KIRREL3: variants seen among roughly 807,000 people sequenced by gnomAD.
KIRREL3 encodes the protein kin of IRRE-like protein 3.
KIRREL3 carries 36 observed loss-of-function variants against 89.7 expected under a neutral mutation model. The ratio of observed to expected loss-of-function variants is 0.40; its 90% confidence interval spans 0.31 to 0.53. The LOEUF is 0.53. Among genes scored for constraint, KIRREL3 ranks in the 20% least tolerant of loss-of-function variants. The pLI is 0.49. For synonymous variants in KIRREL3, 445 were observed against 441.4 expected (o/e 1.01, Z -0.10); for missense variants, 864 against 1,056.6 (o/e 0.82, Z 2.53).
rs773149437 is a variant in KIRREL3, at chr11:126,909,120, C to T, written c.55+91335G>A. 6.7e-6 allele frequency among the ~76,000 whole-genome samples: 1 copy of T among 148,728 alleles called. No individual in the cohort carries two copies. The highest frequency in any genetic ancestry group is 1.5e-5 in the Non-Finnish European group (1 of 66,972). The stretch of plus-strand genomic sequence containing the variant: ...GCAGAACCCAGGCGACACAGGGGGC[C>T]AACTGTAATTGCAATCTGAATGACC... On this transcript the variant is annotated intron_variant, in intron 1 of 16. Transcript: ENST00000525144. The surrounding 1 kb of genome is among the most constrained non-coding windows in gnomAD (Gnocchi z 4.5).
chr11:126,460,342 G>C (rs1490051223), intron 6 of KIRREL3, among the ~76,000 whole-genome samples: 2 of 152,206 alleles, frequency 1.3e-5, no homozygotes, highest in Non-Finnish European at 2.9e-5. Flanking sequence ...ACTGCGCTAG[G>C]GGGCTTGACA....
Position 126,723,059 on chromosome 11 carries a change from T to G in KIRREL3, c.56-160147A>C, listed in dbSNP as rs189398734. The stretch of plus-strand genomic sequence containing the variant: ...TCTTACAGTCTTCTGTGGCTGCACA[T>G]AGTGTACGGTAGGTATTGCGGTATT... On this transcript the variant is annotated intron_variant, in intron 1 of 16. Transcript: ENST00000525144. The surrounding 1 kb of genome is among the most constrained non-coding windows in gnomAD (Gnocchi z 4.0). Among the ~76,000 whole-genome samples, 1 of 152,330 alleles carries G rather than the reference T, an allele frequency of 6.6e-6. No homozygotes were observed. The highest frequency in any genetic ancestry group is 1.9e-4 in the East Asian group (1 of 5,194).
At chr11:126,450,547 ATGTGCATG>A (rs1225163910) in intron 7 of KIRREL3, among the ~76,000 whole-genome samples, 3 of 120,536 alleles carry the variant, frequency 2.5e-5, no homozygotes, top group South Asian at 2.8e-4. Context: ...ATGTGTGTCA[ATGTGCATG>A]TGTGCATGTG....
chr11:126,637,871 GAGA>G (rs763765350), intron 1 of KIRREL3, among the ~76,000 whole-genome samples: 4 of 152,222 alleles, frequency 2.6e-5, no homozygotes, highest in African/African-American at 4.8e-5. Context: ...CATGATAGCT[GAGA>G]AGACTAGCAA....
rs1037979714 is a variant in KIRREL3 at position 126,496,519 on chromosome 11, G to A, written c.434-23053C>T. Reference sequence around the variant, plus strand: ...ATTTCTTCTCACTCCCTTCACAAATGAGAACCCAAGGTGTTGGCCAAGTTT... The same window carrying A: ...ATTTCTTCTCACTCCCTTCACAAATAAGAACCCAAGGTGTTGGCCAAGTTT... On this transcript the variant is annotated intron_variant, in intron 4 of 16. Transcript: ENST00000525144. This position sits in a 1 kb window ranked among gnomAD's most constrained non-coding sequence, Gnocchi z 4.9. Among the ~76,000 whole-genome samples the A allele has an allele frequency of 2.0e-5, 3 of 152,166 alleles. No homozygotes were observed. The highest frequency in any genetic ancestry group is 2.0e-4 in the Admixed American group (3 of 15,288).
rs577131994 is a variant in KIRREL3 at position 126,912,141 on chromosome 11, C to A, written c.55+88314G>T. On this transcript the variant is annotated intron_variant, in intron 1 of 16. Coordinates refer to ENST00000525144, the MANE Select transcript of KIRREL3 (RefSeq NM_032531.4). The surrounding 1 kb of genome is among the most constrained non-coding windows in gnomAD (Gnocchi z 4.7). ...GGAAGCCTAGATGTCGTGAATCAAG[C>A]CTCTGGCAAGGACAGCGCAGTGACC... Among the ~76,000 whole-genome samples, 2 of 152,210 alleles carry A rather than the reference C, an allele frequency of 1.3e-5. No individual in the cohort carries two copies. Among genetic ancestry groups the A allele is most frequent in the African/African-American group, 4.8e-5 (2 of 41,554 alleles).
chr11:126,902,232 G>A (rs1334505302), intron 1 of KIRREL3, among the ~76,000 whole-genome samples: 1 of 152,198 alleles, frequency 6.6e-6, no homozygotes, highest in Non-Finnish European at 1.5e-5. Context: ...TGCTGGCAAG[G>A]AAATACCCAC....
At chr11:126,926,333 G>C (rs1221715393) in intron 1 of KIRREL3, among the ~76,000 whole-genome samples, 2 of 152,210 alleles carry the variant, frequency 1.3e-5, no homozygotes, top group African/African-American at 4.8e-5. Flanking sequence ...GAGAACGAAA[G>C]TTAACATTAA....
intron 6 of KIRREL3, 115 bp from the exon 7 acceptor site, chr11:126,456,569 C>G: frequency 1.4e-6 from 1 of 691,806 alleles, no homozygotes. Context: ...TCAGAGCAGC[C>G]CCCGCCCTGG....
chr11:126,872,197 AGTAGTGTC>A lies in KIRREL3; in HGVS notation c.55+128250_55+128257del, dbSNP rs1276663702. On this transcript the variant is annotated intron_variant, in intron 1 of 16. Transcript: ENST00000525144. The surrounding 1 kb of genome is among the most constrained non-coding windows in gnomAD (Gnocchi z 4.2). ...CTCATTAACATAAAAAGATACTTCTAGTAGTGTCATGACACTTTACAAATGCCACATCA... is the reference window on the plus strand; with the variant it reads ...CTCATTAACATAAAAAGATACTTCTAATGACACTTTACAAATGCCACATCA... Among the ~76,000 whole-genome samples, 3 of 152,376 alleles carry A rather than the reference AGTAGTGTC, an allele frequency of 2.0e-5. No individual in the cohort carries two copies. In the East Asian group the frequency reaches 5.8e-4, roughly 29 times the overall value.
At chr11:126,845,777 G>T (rs1944118510) in intron 1 of KIRREL3, among the ~76,000 whole-genome samples, 1 of 152,086 alleles carries the variant, frequency 6.6e-6, no homozygotes. Flanking sequence ...GCAAAGAAAT[G>T]TTGGCTGTTT....
chr11:126,670,101 T>C (rs11220580), intron 1 of KIRREL3, among the ~76,000 whole-genome samples: 52,477 of 152,044 alleles, frequency 0.35, 9,337 homozygotes, highest in Admixed American at 0.42. Flanking sequence ...GCACTGCCAC[T>C]GTTCCAGTCC....
intron 1 of KIRREL3, among the ~76,000 whole-genome samples, chr11:126,637,094 C>A (rs188126759): frequency 6.6e-6 from 1 of 152,270 alleles, no homozygotes; most frequent in South Asian, 2.1e-4. Flanking sequence ...CAGGATGACT[C>A]AGCCCCTCCC....
chr11:126,876,525 A>C lies in KIRREL3; in HGVS notation c.55+123930T>G, dbSNP rs1402073968. Among the ~76,000 whole-genome samples the C allele has an allele frequency of 6.9e-6, 1 of 143,996 alleles. No individual in the cohort carries two copies. Among genetic ancestry groups the C allele is most frequent in the Admixed American group, 7.2e-5 (1 of 13,818 alleles). The allele number at this position is 143,996 out of a possible 152,430, so 94.5% of individuals were successfully genotyped here. On this transcript the variant is annotated intron_variant, in intron 1 of 16. Transcript: ENST00000525144. This position sits in a 1 kb window ranked among gnomAD's most constrained non-coding sequence, Gnocchi z 4.1. Reference sequence around the variant, plus strand: ...TCCTAGTGCTTGGCTTACAGTACATACTCATAAATATGCTTTTTTTTTTTT... The same window carrying C: ...TCCTAGTGCTTGGCTTACAGTACATCCTCATAAATATGCTTTTTTTTTTTT...
chr11:126,980,479 G>A (rs1949690865), intron 1 of KIRREL3, among the ~76,000 whole-genome samples: 1 of 152,224 alleles, frequency 6.6e-6, no homozygotes, highest in East Asian at 1.9e-4. Flanking sequence ...AGTAAATTGT[G>A]TACCCTATGA....
intron 1 of KIRREL3, among the ~76,000 whole-genome samples, chr11:126,660,019 G>C (rs1945321918): frequency 6.6e-6 from 1 of 152,146 alleles, no homozygotes; most frequent in South Asian, 2.1e-4. Flanking sequence ...TAAAAATTTG[G>C]GGTTGCTACT....
chr11:126,541,884 C>T lies in KIRREL3; in HGVS notation c.134-15197G>A, dbSNP rs189844567. Among the ~76,000 whole-genome samples, 211 of 152,322 alleles carry T rather than the reference C, an allele frequency of 1.4e-3. No individual in the cohort carries two copies. The highest frequency in any genetic ancestry group is 1.5e-3 in the Non-Finnish European group (104 of 68,034). On this transcript the variant is annotated intron_variant, in intron 2 of 16. Transcript: ENST00000525144. This position sits in a 1 kb window ranked among gnomAD's most constrained non-coding sequence, Gnocchi z 4.8. ...TCCCACTGCACAGTGAAGGCATTTT[C>T]ACACCTTTTGAAAGTTCATGCAACC...
At position 126,666,882 on chromosome 11, in the gene KIRREL3, G is replaced by C. The variant is rs901009357; in HGVS notation, c.56-103970C>G. On this transcript the variant is annotated intron_variant, in intron 1 of 16. Transcript: ENST00000525144. This position sits in a 1 kb window ranked among gnomAD's most constrained non-coding sequence, Gnocchi z 4.2. ...TGGGATGGATACAGGTTTGATGAAAGGTCCCTGGGGAATGAGAGGGCTTAG... is the reference window on the plus strand; with the variant it reads ...TGGGATGGATACAGGTTTGATGAAACGTCCCTGGGGAATGAGAGGGCTTAG... Among the ~76,000 whole-genome samples, 13 of 152,134 alleles carry C rather than the reference G, an allele frequency of 8.5e-5. No individual in the cohort carries two copies. Among genetic ancestry groups the C allele is most frequent in the African/African-American group, 2.7e-4 (11 of 41,426 alleles).
rs1008981787 is a variant in KIRREL3 at position 126,965,605 on chromosome 11, T to C, written c.55+34850A>G. Among the ~76,000 whole-genome samples the C allele has an allele frequency of 6.6e-6, 1 of 152,206 alleles. No individual in the cohort carries two copies. Among genetic ancestry groups the C allele is most frequent in the African/African-American group, 2.4e-5 (1 of 41,458 alleles). On this transcript the variant is annotated intron_variant, in intron 1 of 16. Coordinates refer to ENST00000525144, the MANE Select transcript of KIRREL3 (RefSeq NM_032531.4). This position sits in a 1 kb window ranked among gnomAD's most constrained non-coding sequence, Gnocchi z 4.4. ...CCCTGCTTTTGCATTGTCTCAAAAC[T>C]GAGCTTTAAATATTATAAAATTTTG...
Sources: allele counts gnomAD v4.1 joint callset (sites outside exome capture counted in the v4.1 genomes callset), GRCh38; gene constraint gnomAD v4.1.1; non-coding constraint Gnocchi (gnomAD v3.1); transcripts MANE v1.5; gene names NCBI Gene and HGNC (gene_info 2026-07-23, HGNC 2026-07-21).